The following CDH23 variants were observed in gnomAD, a reference collection of about 807,000 sequenced individuals.
CDH23 encodes cadherin related 23, also known as cadherin-23.
CDH23 carries 189 observed loss-of-function variants against 317.1 expected under a neutral mutation model. The observed-to-expected ratio is 0.60, with a 90% confidence interval of 0.53 to 0.67. CDH23 has a LOEUF of 0.67. Among genes scored for constraint, CDH23 ranks in the 30% least tolerant of loss-of-function variants. The probability of loss-of-function intolerance (pLI) is 0.00; values close to 1 mark genes in which losing one functional copy is unlikely to be tolerated. For synonymous variants in CDH23, 1,839 were observed against 1,876.8 expected (o/e 0.98, Z 0.52); for missense variants, 4,401 against 4,592.4 (o/e 0.96, Z 1.20).
chr10:71,800,772 T>C lies in CDH23; in HGVS notation c.7482+17T>C. 1 of 1,612,696 alleles carries C rather than the reference T, an allele frequency of 6.2e-7. No homozygotes were observed. The highest frequency in any genetic ancestry group is 8.5e-7 in the Non-Finnish European group (1 of 1,179,330). ...TCAGTGCAGGTGAGGGGTGCCAACCTGGGCCAGGGATGACAGGGACTGGGG... is the reference window on the plus strand; with the variant it reads ...TCAGTGCAGGTGAGGGGTGCCAACCCGGGCCAGGGATGACAGGGACTGGGG... On this transcript the variant is annotated intron_variant, in intron 53 of 69. Transcript: ENST00000224721.
intron 14 of CDH23, among the ~76,000 whole-genome samples, chr10:71,669,273 C>T (rs940962680): frequency 6.6e-6 from 1 of 152,208 alleles, no homozygotes; most frequent in African/African-American, 2.4e-5. Flanking sequence ...ATGACTGTCC[C>T]ATAGACTGGC....
intron 7 of CDH23, among the ~76,000 whole-genome samples, chr10:71,569,067 G>C (rs1857599548): frequency 6.6e-6 from 1 of 152,208 alleles, no homozygotes; most frequent in African/African-American, 2.4e-5. Flanking sequence ...CTGGGTGCCT[G>C]GTGGTCATTC....
intron 19 of CDH23, among the ~76,000 whole-genome samples, chr10:71,689,020 G>A (rs889024938): frequency 9.7e-5 from 12 of 124,180 alleles, no homozygotes; most frequent in African/African-American, 1.4e-4. Flanking sequence ...GGTGGAGTCA[G>A]GGGTGGTGGA....
chr10:71,415,904 G>A (rs1327674413), intron 1 of CDH23, among the ~76,000 whole-genome samples: 1 of 152,170 alleles, frequency 6.6e-6, no homozygotes, highest in Non-Finnish European at 1.5e-5. Context: ...GTTACTTTAT[G>A]GCCCAGCATG....
At chr10:71,784,078 C>T (rs1282038771) in intron 41 of CDH23, among the ~76,000 whole-genome samples, 3 of 152,184 alleles carry the variant, frequency 2.0e-5, no homozygotes, top group Non-Finnish European at 2.9e-5. Flanking sequence ...CGCCTGCACC[C>T]GTGGTGGTGA....
intron 33 of CDH23, 48 bp downstream of exon 33, chr10:71,734,389 C>G: frequency 6.4e-7 from 1 of 1,552,040 alleles, no homozygotes; most frequent in East Asian, 2.4e-5. Context: ...CCATCGCTGG[C>G]CATGACACTT....
In CDH23 at chr10:71,692,459, C is replaced by T. The variant is rs189410021; in HGVS notation, c.2177-1688C>T. 7.4e-3 allele frequency among the ~76,000 whole-genome samples: 1,128 copies of T among 152,364 alleles called. 45 individuals are homozygous for T. The highest frequency in any genetic ancestry group is 0.068 in the Admixed American group (1,047 of 15,310). On this transcript the variant is annotated intron_variant, in intron 20 of 69. Transcript: ENST00000224721. Reference sequence around the variant, plus strand: ...AGGTGGCCTTAATTGGATCTAATTTCCTAGACAGGAGAGGCCATCTATCAT... The same window carrying T: ...AGGTGGCCTTAATTGGATCTAATTTTCTAGACAGGAGAGGCCATCTATCAT...
chr10:71,793,694 T>C, intron 48 of CDH23, 54 bp downstream of exon 48: 1 of 1,284,536 alleles, frequency 7.8e-7, no homozygotes, highest in Non-Finnish European at 1.1e-6. Flanking sequence ...TCCTGTCTCC[T>C]CGCTCCCTGC....
chr10:71,789,219 A>G (rs1841180514), intron 45 of CDH23, among the ~76,000 whole-genome samples, 177 bp downstream of exon 45: 1 of 152,140 alleles, frequency 6.6e-6, no homozygotes. Context: ...CGGGCCTCCT[A>G]TGAGCACAAA....
Position 71,566,779 on chromosome 10 carries a change from C to A in CDH23, c.467C>A (p.Ala156Asp). 6.2e-7 allele frequency: 1 copy of A among 1,611,568 alleles called. No individual in the cohort carries two copies. Among genetic ancestry groups the A allele is most frequent in the Non-Finnish European group, 8.5e-7 (1 of 1,178,026 alleles). ...PVGTPIFIVN[A>D]TDPDLGAGGS... ...GGGACGCCCATCTTCATCGTGAATG[C>A]CACAGACCCCGACTTGGGGGCAGGG... Residue 156 changes from alanine (A) to aspartate (D), a missense_variant, in exon 7 of 70, where the codon GCC (alanine) becomes GAC (aspartate). By Grantham distance (126) the Ala-to-Asp change is moderately radical. Around this residue, in one of 3 missense-constraint regions of CDH23, gnomAD observed 3,068 missense variants for 3,203.3 expected, o/e 0.96. Coordinates refer to ENST00000224721, the MANE Select transcript of CDH23 (RefSeq NM_022124.6).
Position 71,799,119 on chromosome 10 carries a change from A to T in CDH23, c.7063A>T (p.Ile2355Phe), listed in dbSNP as rs1841487014. Residue 2355 changes from isoleucine to phenylalanine, a missense_variant, in exon 51 of 70, where the codon ATT becomes TTT. Physicochemically the swap from Ile to Phe is conservative, Grantham distance 21 (BLOSUM62 0). Around this residue, in one of 3 missense-constraint regions of CDH23, gnomAD observed 189 missense variants for 250.9 expected, o/e 0.75. Coordinates refer to ENST00000224721, the MANE Select transcript of CDH23 (RefSeq NM_022124.6). Reference sequence around the variant, plus strand: ...GAGCCTCTGTGTCTTAGGGAAGGTCATTGCCAACCGGACAGTGGACTACGA... The same window carrying T: ...GAGCCTCTGTGTCTTAGGGAAGGTCTTTGCCAACCGGACAGTGGACTACGA... ...QLEDSSAGKVIANRTVDYEEV... is the reference protein window; with the variant it reads ...QLEDSSAGKVFANRTVDYEEV... 1 of 1,613,038 alleles carries T rather than the reference A, an allele frequency of 6.2e-7. No homozygotes were observed. Among genetic ancestry groups the T allele is most frequent in the Admixed American group, 1.7e-5 (1 of 59,984 alleles).
intron 22 of CDH23, among the ~76,000 whole-genome samples, chr10:71,699,336 C>G (rs1481520230): frequency 6.6e-6 from 1 of 152,248 alleles, no homozygotes; most frequent in Non-Finnish European, 1.5e-5. Flanking sequence ...TCTCAAGAGC[C>G]CTCTCTAGAC....
At chr10:71,550,051 G>A (rs1303309089) in intron 6 of CDH23, among the ~76,000 whole-genome samples, 1 of 152,176 alleles carries the variant, frequency 6.6e-6, no homozygotes, top group Non-Finnish European at 1.5e-5. Context: ...AGGGTATTGG[G>A]AGCTTTAGAT....
Position 71,793,374 on chromosome 10 carries a change from G to T in CDH23, c.6446G>T (p.Arg2149Leu), listed in dbSNP as rs377376107. The T allele has an allele frequency of 1.2e-6, 2 of 1,613,896 alleles. No individual in the cohort carries two copies. The highest frequency in any genetic ancestry group is 2.2e-5 in the South Asian group (2 of 91,052). ...SYRLTVVATDRGTVPLSGTAI... is the reference protein window; with the variant it reads ...SYRLTVVATDLGTVPLSGTAI... ...AGGCTAACGGTGGTGGCCACCGACC[G>T]GGGCACCGTTCCTCTCTCGGGCACA... Residue 2149 changes from arginine to leucine, a missense_variant, in exon 48 of 70, where the codon CGG becomes CTG. By Grantham distance (102) the Arg-to-Leu change is moderately radical. Transcript: ENST00000224721.
At chr10:71,469,610 C>A (rs1564600076) in intron 3 of CDH23, among the ~76,000 whole-genome samples, 1 of 148,956 alleles carries the variant, frequency 6.7e-6, no homozygotes, top group Admixed American at 6.6e-5. Context: ...TTGTGTCCCC[C>A]CCTTGTTTTT....
At chr10:71,643,114 T>C (rs940591468) in intron 11 of CDH23, among the ~76,000 whole-genome samples, 1 of 152,238 alleles carries the variant, frequency 6.6e-6, no homozygotes, top group African/African-American at 2.4e-5. Context: ...ATATGCACAG[T>C]TATGGACCAA....
At chr10:71,578,557 G>C (rs1858393848) in intron 9 of CDH23, among the ~76,000 whole-genome samples, 1 of 152,122 alleles carries the variant, frequency 6.6e-6, no homozygotes, top group Non-Finnish European at 1.5e-5. Flanking sequence ...AGTGACTGAC[G>C]GCAGAGATGG....
chr10:71,697,402 C>T (rs1215576904), intron 22 of CDH23, among the ~76,000 whole-genome samples: 2 of 152,244 alleles, frequency 1.3e-5, no homozygotes, highest in African/African-American at 4.8e-5. Context: ...GGTGCAGTGG[C>T]TCACGCCTGT....
rs1589107241 is a variant in CDH23, at chr10:71,465,776, A to G, written c.145+19381A>G. 2.0e-5 allele frequency among the ~76,000 whole-genome samples: 3 copies of G among 152,216 alleles called. 1 individual carries two copies. The South Asian group carries it at 6.2e-4, about 31-fold the overall frequency. On this transcript the variant is annotated intron_variant, in intron 3 of 69. Transcript: ENST00000224721. ...CTGTCAGGTAGCCGCGCTGAGTGAC[A>G]GGTGAGAGAAAGCAAACGGCCGAAA...
Sources: allele counts gnomAD v4.1 joint callset (sites outside exome capture counted in the v4.1 genomes callset), GRCh38; gene constraint gnomAD v4.1.1; regional missense constraint gnomAD v4.1.1; transcripts MANE v1.5; gene names NCBI Gene and HGNC (gene_info 2026-07-23, HGNC 2026-07-21).